LCOR: variants seen among roughly 807,000 people sequenced by gnomAD.
LCOR encodes the protein ligand dependent nuclear receptor corepressor.
LCOR carries 14 observed loss-of-function variants against 64.4 expected under a neutral mutation model. The observed-to-expected ratio is 0.22, with a 90% CI of 0.14 to 0.34. LCOR has a LOEUF of 0.34. Ranked by LOEUF, LCOR falls within the 10% of genes least tolerant of loss-of-function variation. LCOR has a pLI of 1.00. For synonymous variants in LCOR, 643 were observed against 642.5 expected (o/e 1.00, Z -0.01); for missense variants, 1,686 against 1,765.3 (o/e 0.96, Z 0.80).
At chr10:96,958,277 T>C in intron 7 of LCOR, 10 of 1,361,676 alleles carry the variant, frequency 7.3e-6, no homozygotes, top group Non-Finnish European at 8.6e-6. Flanking sequence ...TTGTAGAGTT[T>C]ATTGTTCAGA....
At chr10:96,860,910 A>C (rs138823983) in intron 2 of LCOR, among the ~76,000 whole-genome samples, 105 of 152,320 alleles carry the variant, frequency 6.9e-4, no homozygotes, top group African/African-American at 2.5e-3. Flanking sequence ...CAATATCCTG[A>C]GTATAAAAGA....
intron 4 of LCOR, among the ~76,000 whole-genome samples, chr10:96,941,092 C>T (rs1186510266): frequency 2.0e-5 from 2 of 98,350 alleles, no homozygotes; most frequent in South Asian, 4.1e-4. Context: ...CCGGACGGGG[C>T]GGCTGGCCGG....
chr10:96,988,366 G>T lies in LCOR; in HGVS notation c.*3232G>T, dbSNP rs1848167072. On this transcript the variant is annotated 3_prime_UTR_variant, in exon 8 of 8. Transcript: ENST00000421806. ...TGGATTCCTTGTTAAAGACTTCTGTGCAGCCTTATCTAAAATGATAATCTT... is the reference window on the plus strand; with the variant it reads ...TGGATTCCTTGTTAAAGACTTCTGTTCAGCCTTATCTAAAATGATAATCTT... 1 of 152,192 alleles carries T rather than the reference G, an allele frequency of 6.6e-6. No homozygotes were observed. Among genetic ancestry groups the T allele is most frequent in the South Asian group, 2.1e-4 (1 of 4,832 alleles). 9.4% of individuals were successfully genotyped at this position (152,192 alleles called of 1,614,324 possible). A position where few individuals can be genotyped will look rare whatever the true frequency, so the allele number is the denominator to read the frequency against.
chr10:96,856,273 A>G (rs1845802904), intron 2 of LCOR, among the ~76,000 whole-genome samples: 1 of 152,132 alleles, frequency 6.6e-6, no homozygotes, highest in Admixed American at 6.6e-5. Flanking sequence ...GGATTTCACC[A>G]GGCTGGTCTC....
At chr10:96,849,314 C>T (rs1418392228) in intron 2 of LCOR, among the ~76,000 whole-genome samples, 2 of 151,954 alleles carry the variant, frequency 1.3e-5, no homozygotes, top group African/African-American at 4.8e-5. Flanking sequence ...ATCTCGTGAT[C>T]CACCCACCTT....
Position 96,981,690 on chromosome 10 carries a change from C to T in LCOR, c.1230C>T (p.Pro410=), listed in dbSNP as rs775939785. The change falls in exon 8 of 8, where the codon CCC becomes CCT. Residue 410 remains proline (P), a synonymous_variant. Coordinates refer to ENST00000421806, the MANE Select transcript of LCOR (RefSeq NM_001346516.2). ...ATAAGGTGGGTTACCATTTACATCCCAGTGATAAGGGCCAGTTTGATCATT... is the reference window on the plus strand; with the variant it reads ...ATAAGGTGGGTTACCATTTACATCCTAGTGATAAGGGCCAGTTTGATCATT... The part of the protein sequence containing the change: ...GRNKVGYHLH[P]SDKGQFDHSK... 2.5e-6 allele frequency: 4 copies of T among 1,614,184 alleles called. No homozygotes were observed. Among genetic ancestry groups the T allele is most frequent in the Non-Finnish European group, 3.4e-6 (4 of 1,180,042 alleles).
intron 7 of LCOR, chr10:96,957,915 T>C (rs950529402): frequency 5.0e-5 from 49 of 986,338 alleles, no homozygotes; most frequent in Middle Eastern, 5.2e-4. Flanking sequence ...CAGTTTGGGT[T>C]CAATAGCATT....
Position 96,840,791 on chromosome 10 carries a change from A to C in LCOR, c.-330+7312A>C, listed in dbSNP as rs370007391. On this transcript the variant is annotated intron_variant, in intron 2 of 7. Transcript: ENST00000421806. Reference sequence around the variant, plus strand: ...CCTTACAATTGTATTAAAAACTATTATAACAATACCATTTGAAGTAAAGCA... The same window carrying C: ...CCTTACAATTGTATTAAAAACTATTCTAACAATACCATTTGAAGTAAAGCA... Among the ~76,000 whole-genome samples the C allele has an allele frequency of 2.0e-5, 3 of 152,378 alleles. No individual in the cohort carries two copies. In the South Asian group the frequency reaches 6.2e-4, roughly 32 times the overall value.
chr10:96,832,875 C>A, intron 1 of LCOR: 1 of 550,188 alleles, frequency 1.8e-6, no homozygotes, highest in Non-Finnish European at 2.3e-6. Flanking sequence ...CTGCGCCACC[C>A]CTCCCCCACG....
chr10:96,856,980 GA>G (rs1193833363), intron 2 of LCOR, among the ~76,000 whole-genome samples: 2 of 151,870 alleles, frequency 1.3e-5, no homozygotes, highest in Non-Finnish European at 2.9e-5. Context: ...TTAATTTCAG[GA>G]AGTAGAAAAA....
intron 2 of LCOR, among the ~76,000 whole-genome samples, chr10:96,870,959 C>T (rs11188957): frequency 0.12 from 17,913 of 152,204 alleles, 1,481 homozygotes; most frequent in Non-Finnish European, 0.17. Flanking sequence ...CTATATCAGT[C>T]GGTAATTATT....
At chr10:96,955,356 A>T in intron 7 of LCOR, 1 of 1,614,190 alleles carries the variant, frequency 6.2e-7, no homozygotes, top group Non-Finnish European at 8.5e-7. Context: ...AAAGGATGTG[A>T]GCCATTCATC....
intron 4 of LCOR, among the ~76,000 whole-genome samples, chr10:96,942,440 ACC>A (rs1278912245): frequency 1.2e-4 from 17 of 140,890 alleles, no homozygotes; most frequent in South Asian, 6.9e-4. Flanking sequence ...GTGGAAGGAG[ACC>A]GTGGAGAGAG....
At chr10:96,856,639 C>G (rs1239037832) in intron 2 of LCOR, among the ~76,000 whole-genome samples, 1 of 151,946 alleles carries the variant, frequency 6.6e-6, no homozygotes, top group East Asian at 1.9e-4. Flanking sequence ...TCATGCCCAG[C>G]TAATCTTTTA....
chr10:96,902,789 A>G (rs990827206), intron 2 of LCOR, among the ~76,000 whole-genome samples: 7 of 152,224 alleles, frequency 4.6e-5, no homozygotes, highest in African/African-American at 1.4e-4. Context: ...ATTGCCAGCA[A>G]GCACCTTTGA....
At chr10:96,893,835 G>A (rs927531018) in intron 2 of LCOR, among the ~76,000 whole-genome samples, 1 of 151,698 alleles carries the variant, frequency 6.6e-6, no homozygotes, top group African/African-American at 2.4e-5. Flanking sequence ...GAACCCAGGT[G>A]ACCTGGCTTC....
intron 2 of LCOR, among the ~76,000 whole-genome samples, chr10:96,857,538 A>G (rs116730867): frequency 1.3e-5 from 2 of 152,054 alleles, no homozygotes; most frequent in Admixed American, 1.3e-4. Flanking sequence ...ATATACTCTT[A>G]CTTCTCTCTC....
At chr10:96,885,598 G>C (rs1205435868) in intron 2 of LCOR, among the ~76,000 whole-genome samples, 3 of 131,054 alleles carry the variant, frequency 2.3e-5, no homozygotes, top group African/African-American at 8.7e-5. Context: ...AGGTCTTGCT[G>C]TGTTGCCCAA....
rs1007437947 is a variant in LCOR at position 96,995,226 on chromosome 10, T to C, written c.*10092T>C. On this transcript the variant is annotated 3_prime_UTR_variant, in exon 8 of 8. Transcript: ENST00000421806. This position sits in a 1 kb window ranked among gnomAD's most constrained non-coding sequence, Gnocchi z 4.2. ...GTTGTCATTGCTGAGGTCGATCTCG[T>C]AGTTGTTCAGTTGTGCTCTTTTTGC... 4.6e-5 allele frequency: 7 copies of C among 152,276 alleles called. No individual in the cohort carries two copies. Among genetic ancestry groups the C allele is most frequent in the African/African-American group, 1.7e-4 (7 of 41,462 alleles). The allele number at this position is 152,276 out of a possible 1,614,324, so 9.4% of individuals were successfully genotyped here. A position where few individuals can be genotyped will look rare whatever the true frequency, so the allele number is the denominator to read the frequency against.
Sources: allele counts gnomAD v4.1 joint callset (sites outside exome capture counted in the v4.1 genomes callset), GRCh38; gene constraint gnomAD v4.1.1; non-coding constraint Gnocchi (gnomAD v3.1); transcripts MANE v1.5; gene names NCBI Gene and HGNC (gene_info 2026-07-23, HGNC 2026-07-21).